The following HAGH variants were observed in gnomAD, a reference collection of about 807,000 sequenced individuals.
HAGH encodes the protein hydroxyacylglutathione hydrolase, mitochondrial.
HAGH carries 29 observed loss-of-function variants against 35.1 expected under a neutral mutation model. The observed-to-expected ratio is 0.83, with a 90% confidence interval of 0.62 to 1.13. The LOEUF (loss-of-function observed/expected upper bound fraction) is 1.13, where lower values mean the gene tolerates loss of function less well. Ranked by LOEUF, HAGH falls within the 50% of genes most tolerant of loss-of-function variation. The pLI is 0.00. For missense variants in HAGH, 478 were observed against 419.6 expected (o/e 1.14, Z -1.22); for synonymous variants, 225 against 176.1 (o/e 1.28, Z -2.20).
intron 1 of HAGH, among the ~76,000 whole-genome samples, chr16:1,826,336 T>C (rs1452063270): frequency 2.0e-5 from 3 of 150,298 alleles, no homozygotes; most frequent in Non-Finnish European, 4.5e-5. Flanking sequence ...GGGCAGCAGG[T>C]GCGGGGTGGG....
chr16:1,817,255 C>A lies in HAGH; in HGVS notation c.558G>T (p.Val186=). 1 of 1,612,162 alleles carries A rather than the reference C, an allele frequency of 6.2e-7. No homozygotes were observed. The highest frequency in any genetic ancestry group is 1.1e-5 in the South Asian group (1 of 91,026). ...PAVFTGDTLF[V]AGCGKFYEGT... ...CTTCATAGAACTTCCCGCAGCCAGC[C>A]ACAAACAAGGTGTCACCTGGAAACA... Residue 186 remains valine, a synonymous_variant, in exon 6 of 9, where the codon GTG becomes GTT. Coordinates refer to ENST00000397356, the MANE Select transcript of HAGH (RefSeq NM_005326.6).
intron 1 of HAGH, among the ~76,000 whole-genome samples, 177 bp from the exon 2 acceptor site, chr16:1,823,214 T>C (rs1436476592): frequency 6.6e-6 from 1 of 152,076 alleles, no homozygotes; most frequent in African/African-American, 2.4e-5. Flanking sequence ...GGAGGACTGC[T>C]TGAGGGCAGG....
intron 7 of HAGH, among the ~76,000 whole-genome samples, chr16:1,813,459 C>T (rs765892051): frequency 3.9e-4 from 60 of 152,196 alleles, no homozygotes; most frequent in Non-Finnish European, 1.5e-4. Flanking sequence ...GAAGTTAATA[C>T]GCATCCACTG....
In HAGH at chr16:1,825,163, C is replaced by T. The variant is rs149273219; in HGVS notation, c.76+1549G>A. The stretch of plus-strand genomic sequence containing the variant: ...GAAACCCTGTCTCTACTAAAAAATA[C>T]AAAAATTAGCTGGGCGTGGTGGCGA... On this transcript the variant is annotated intron_variant, in intron 1 of 8. Transcript: ENST00000397356. Among the ~76,000 whole-genome samples, 535 of 152,100 alleles carry T rather than the reference C, an allele frequency of 3.5e-3. 5 individuals carry two copies. Among genetic ancestry groups the T allele is most frequent in the African/African-American group, 0.012 (501 of 41,462 alleles).
chr16:1,807,648 A>G lies in HAGH; in HGVS notation c.*1635T>C, dbSNP rs1192770614. On this transcript the variant is annotated 3_prime_UTR_variant, in exon 9 of 9. Transcript: ENST00000397356. ...ACAGTGTTTGTTATAGAATGGAAAC[A>G]TTTAAGATTCTGGCCTAAGAATATT... is the stretch of plus-strand genomic sequence containing the variant. The G allele has an allele frequency of 6.6e-6, 1 of 152,260 alleles. No homozygotes were observed. The highest frequency in any genetic ancestry group is 1.5e-5 in the Non-Finnish European group (1 of 68,048). The allele number at this position is 152,260 out of a possible 1,614,324, so 9.4% of individuals were successfully genotyped here.
chr16:1,826,848 T>C, upstream of HAGH: 1 of 1,058,950 alleles, frequency 9.4e-7, no homozygotes, highest in Non-Finnish European at 1.2e-6. Flanking sequence ...CGTCGGCGCG[T>C]CGCAGCCAAT....
upstream of HAGH, chr16:1,827,194 T>A (rs1414249926): frequency 1.9e-6 from 3 of 1,567,458 alleles, no homozygotes; most frequent in Non-Finnish European, 2.6e-6. Flanking sequence ...AGGCATCAGC[T>A]GACCGGCCCA....
intron 7 of HAGH, among the ~76,000 whole-genome samples, chr16:1,813,185 T>G (rs144249418): frequency 2.9e-3 from 435 of 152,334 alleles, no homozygotes; most frequent in African/African-American, 0.01. Context: ...GAGTTTTTGC[T>G]GTTAGTTCCC....
chr16:1,817,172 T>TC lies in HAGH; in HGVS notation c.640dup (p.Asp214GlyfsTer73), dbSNP rs780185354. On this transcript the variant is annotated frameshift_variant, in exon 6 of 9. Transcript: ENST00000397356. LOFTEE classifies it high-confidence loss of function. ...CCGCAGGGAGGCGCTGCCTACTGTG[T>TC]CCGGGGGGAGCCGGCCCAAGACCTC... 1.9e-6 allele frequency: 3 copies of TC among 1,602,650 alleles called. No homozygotes were observed. The highest frequency in any genetic ancestry group is 1.1e-5 in the South Asian group (1 of 90,860).
rs537200757 is a variant in HAGH at position 1,826,801 on chromosome 16, C to T, written c.-14G>A. ...GCCCACCACCATGACCCGGGCCGGG[C>T]TGGACTGCCGAGCTGCCCAGGACTG... On this transcript the variant is annotated 5_prime_UTR_variant, in exon 1 of 9. Coordinates refer to ENST00000397356, the MANE Select transcript of HAGH (RefSeq NM_005326.6). 1.6e-6 allele frequency: 2 copies of T among 1,221,042 alleles called. No individual in the cohort carries two copies. Among genetic ancestry groups the T allele is most frequent in the Non-Finnish European group, 1.0e-6 (1 of 978,568 alleles). The allele number at this position is 1,221,042 out of a possible 1,614,324, so 75.6% of individuals were successfully genotyped here.
At chr16:1,812,333 A>AT (rs1309881988) in intron 7 of HAGH, 3 of 147,746 alleles carry the variant, frequency 2.0e-5, no homozygotes, top group Non-Finnish European at 4.5e-5. Flanking sequence ...GTAAAACCCC[A>AT]TCTCTACTAA....
chr16:1,822,279 C>G (rs1208905559), intron 3 of HAGH, 21 bp downstream of exon 3: 4 of 1,561,248 alleles, frequency 2.6e-6, no homozygotes, highest in Middle Eastern at 1.7e-4. Context: ...CCCACACCCC[C>G]AGGTGAGACG....
chr16:1,814,186 T>C (rs1596917158), intron 7 of HAGH, among the ~76,000 whole-genome samples: 1 of 152,084 alleles, frequency 6.6e-6, no homozygotes, highest in South Asian at 2.1e-4. Flanking sequence ...AAAAGAAAAA[T>C]TGAGTAGGCC....
chr16:1,827,022 G>A (rs939088659), upstream of HAGH: 1 of 718,826 alleles, frequency 1.4e-6, no homozygotes, highest in Admixed American at 3.3e-5. Context: ...GCTGCGCCGG[G>A]AGAGCTGTGC....
At chr16:1,819,271 C>A in intron 4 of HAGH, 48 bp from the exon 5 acceptor site, 1 of 1,258,706 alleles carries the variant, frequency 7.9e-7, no homozygotes, top group South Asian at 1.3e-5. Context: ...CCCTGGAGAG[C>A]CATCTCCCGG....
chr16:1,814,197 G>A (rs955939399), intron 7 of HAGH, among the ~76,000 whole-genome samples: 5 of 152,290 alleles, frequency 3.3e-5, no homozygotes, highest in South Asian at 2.1e-4. Flanking sequence ...TGAGTAGGCC[G>A]GGCGCAGTGG....
Position 1,817,287 on chromosome 16 carries a change from G to C in HAGH, c.542-16C>G. The C allele has an allele frequency of 1.3e-6, 2 of 1,535,856 alleles. No individual in the cohort carries two copies. The highest frequency in any genetic ancestry group is 1.8e-6 in the Non-Finnish European group (2 of 1,108,628). On this transcript the variant is annotated splice_polypyrimidine_tract_variant and intron_variant, in intron 5 of 8. Coordinates refer to ENST00000397356, the MANE Select transcript of HAGH (RefSeq NM_005326.6). ...AAGGTGTCACCTGGAAACAAGGACA[G>C]CCACGAGGTGGGGGCCACTTGAGGC... is the stretch of plus-strand genomic sequence containing the variant.
chr16:1,815,932 A>ATTT (rs61101799), intron 7 of HAGH, among the ~76,000 whole-genome samples: 35 of 102,214 alleles, frequency 3.4e-4, no homozygotes, highest in Non-Finnish European at 4.0e-4. Flanking sequence ...GGCAGGGAGA[A>ATTT]TTTTTTTTTT....
In HAGH at chr16:1,808,846, C is replaced by T. The variant is rs546775160; in HGVS notation, c.*437G>A. 1 of 158,234 alleles carries T rather than the reference C, an allele frequency of 6.3e-6. No individual in the cohort carries two copies. Among genetic ancestry groups the T allele is most frequent in the Non-Finnish European group, 1.4e-5 (1 of 72,304 alleles). 9.8% of individuals were successfully genotyped at this position (158,234 alleles called of 1,614,324 possible). ...GGAGGTCGCGCGATCTGGCCGCCTC[C>T]AGGAAGAAGACGCGGCCACCTCTCC... On this transcript the variant is annotated 3_prime_UTR_variant, in exon 9 of 9. Transcript: ENST00000397356.
Sources: gnomAD v4.1 joint callset for allele counts (sites outside exome capture counted in the v4.1 genomes callset) on GRCh38, gnomAD v4.1.1 for gene constraint, MANE v1.5 for transcripts, NCBI Gene and HGNC (gene_info 2026-07-23, HGNC 2026-07-21) for gene names.